PCDHA13: variants seen among roughly 807,000 people sequenced by gnomAD.
PCDHA13 encodes the protein protocadherin alpha 13, also known as protocadherin alpha-13.
PCDHA13 carries 54 observed loss-of-function variants against 64.8 expected under a neutral mutation model. The observed-to-expected ratio is 0.83, with a 90% CI of 0.67 to 1.04. PCDHA13 has a LOEUF of 1.04. Among genes scored for constraint, PCDHA13 ranks in the 50% least tolerant of loss-of-function variants. PCDHA13 has a pLI of 0.00. For synonymous variants in PCDHA13, 587 were observed against 564.4 expected (o/e 1.04, Z -0.57); for missense variants, 1,248 against 1,254.3 (o/e 0.99, Z 0.08).
chr5:140,941,185 C>CTTTTT (rs782102770), intron 1 of PCDHA13, among the ~76,000 whole-genome samples: 1 of 102,242 alleles, frequency 9.8e-6, no homozygotes, highest in African/African-American at 3.6e-5. Context: ...CATCCTGCTT[C>CTTTTT]TTTTTTTTTC....
chr5:140,904,335 C>T (rs142753502), intron 1 of PCDHA13, among the ~76,000 whole-genome samples: 2,168 of 152,034 alleles, frequency 0.014, 62 homozygotes, highest in African/African-American at 0.05. Flanking sequence ...TCTCCAGTTC[C>T]ATCCAGGTTG....
chr5:140,946,335 G>A lies in PCDHA13; in HGVS notation c.2395-32614G>A, dbSNP rs555314202. ...ATTATTGAAAGAGGAAAGATAACAA[G>A]TGATGGAGAGGATGTGGAGAAAAGG... On this transcript the variant is annotated intron_variant, in intron 1 of 3. Transcript: ENST00000289272. Among the ~76,000 whole-genome samples, 250 of 151,944 alleles carry A rather than the reference G, an allele frequency of 1.6e-3. 2 individuals are homozygous for A. The highest frequency in any genetic ancestry group is 2.8e-3 in the Non-Finnish European group (188 of 67,814).
chr5:140,944,191 G>C (rs181232402), intron 1 of PCDHA13, among the ~76,000 whole-genome samples: 1 of 151,980 alleles, frequency 6.6e-6, no homozygotes, highest in East Asian at 1.9e-4. Context: ...GGTTTGTTTT[G>C]TTTTGTTTTG....
At chr5:140,967,475 C>T (rs555659207) in intron 1 of PCDHA13, 1 of 1,613,342 alleles carries the variant, frequency 6.2e-7, no homozygotes, top group South Asian at 1.1e-5. Context: ...CATCCCAGCC[C>T]GCTCGGGTAC....
At chr5:140,943,376 C>G (rs2093486935) in intron 1 of PCDHA13, among the ~76,000 whole-genome samples, 1 of 150,084 alleles carries the variant, frequency 6.7e-6, no homozygotes, top group Non-Finnish European at 1.5e-5. Flanking sequence ...TTAAAATATA[C>G]AGGTAAGAAA....
rs185567567 is a variant in PCDHA13, at chr5:140,888,396, T to C, written c.2394+3734T>C. 3.4e-3 allele frequency among the ~76,000 whole-genome samples: 514 copies of C among 152,282 alleles called. 3 individuals are homozygous for C. The highest frequency in any genetic ancestry group is 0.014 in the Middle Eastern group (4 of 294). On this transcript the variant is annotated intron_variant, in intron 1 of 3. Coordinates refer to ENST00000289272, the MANE Select transcript of PCDHA13 (RefSeq NM_018904.3). The stretch of plus-strand genomic sequence containing the variant: ...AGCTCTGAGATGCTGCTAAACACCA[T>C]CCAATTGCTGCCAAACATCCTACCG...
chr5:141,003,648 G>A lies in PCDHA13; in HGVS notation c.2543-5979G>A, dbSNP rs1314983871. On this transcript the variant is annotated intron_variant, in intron 3 of 3. Transcript: ENST00000289272. ...GTTTTTAAAGTAGAAGTGAAGATCTGTATGCATTTATTAAAATATATGTTG... is the reference window on the plus strand; with the variant it reads ...GTTTTTAAAGTAGAAGTGAAGATCTATATGCATTTATTAAAATATATGTTG... Among the ~76,000 whole-genome samples the A allele has an allele frequency of 3.3e-5, 5 of 152,226 alleles. No individual in the cohort carries two copies. In the South Asian group the frequency reaches 6.2e-4, roughly 19 times the overall value.
intron 1 of PCDHA13, among the ~76,000 whole-genome samples, chr5:140,960,487 GGTTT>G: frequency 6.6e-6 from 1 of 152,236 alleles, no homozygotes; most frequent in South Asian, 2.1e-4. Context: ...CAGAGGTGTA[GGTTT>G]GTTTGTTCCA....
chr5:140,898,913 G>T (rs1554188302), intron 1 of PCDHA13, among the ~76,000 whole-genome samples: 1 of 152,066 alleles, frequency 6.6e-6, no homozygotes, highest in Non-Finnish European at 1.5e-5. Context: ...CACGTCCCTT[G>T]TAAGTTGGAT....
intron 1 of PCDHA13, among the ~76,000 whole-genome samples, chr5:140,917,805 T>C (rs2153545461): frequency 6.6e-6 from 1 of 152,328 alleles, no homozygotes; most frequent in African/African-American, 2.4e-5. Flanking sequence ...AGCCTTGCAG[T>C]ATAGTTGAAG....
chr5:140,982,506 C>G lies in PCDHA13; in HGVS notation c.2485C>G (p.Arg829Gly). The change falls in exon 3 of 4, where the codon CGG (arginine) becomes GGG (glycine). Residue 829 changes from arginine to glycine, a missense_variant. Transcript: ENST00000289272. ...SVHLEEAGIL[R>G]AGPGGPDQQW... Reference sequence around the variant, plus strand: ...GCACCTAGAGGAGGCTGGCATTCTACGGGCTGGTCCAGGAGGGCCTGATCA... The same window carrying G: ...GCACCTAGAGGAGGCTGGCATTCTAGGGGCTGGTCCAGGAGGGCCTGATCA... 6.2e-7 allele frequency: 1 copy of G among 1,614,162 alleles called. No homozygotes were observed. Among genetic ancestry groups the G allele is most frequent in the Non-Finnish European group, 8.5e-7 (1 of 1,180,032 alleles).
chr5:140,970,927 G>A (rs1481513155), intron 1 of PCDHA13, among the ~76,000 whole-genome samples: 2 of 152,150 alleles, frequency 1.3e-5, no homozygotes, highest in African/African-American at 4.8e-5. Flanking sequence ...GAAGTGCCTG[G>A]TGTTAGTCAA....
chr5:140,979,329 C>T (rs782808442), intron 2 of PCDHA13, among the ~76,000 whole-genome samples: 3 of 152,162 alleles, frequency 2.0e-5, no homozygotes, highest in Non-Finnish European at 2.9e-5. Flanking sequence ...TTCTTTTCCT[C>T]CTTTAAAAAC....
intron 1 of PCDHA13, among the ~76,000 whole-genome samples, chr5:140,961,335 A>G (rs548773476): frequency 1.6e-4 from 24 of 152,322 alleles, no homozygotes; most frequent in African/African-American, 5.8e-4. Context: ...TGAGAGACCA[A>G]GAGTGGATCC....
At chr5:140,958,241 AT>A (rs2095415572) in intron 1 of PCDHA13, among the ~76,000 whole-genome samples, 1 of 152,118 alleles carries the variant, frequency 6.6e-6, no homozygotes, top group Non-Finnish European at 1.5e-5. Flanking sequence ...GTTTTTAACA[AT>A]TCTGAACAAA....
chr5:141,011,626 C>T lies in PCDHA13; in HGVS notation c.*1689C>T, dbSNP rs1340546254. 6.5e-6 allele frequency: 1 copy of T among 153,668 alleles called. No individual in the cohort carries two copies. Among genetic ancestry groups the T allele is most frequent in the Non-Finnish European group, 1.5e-5 (1 of 68,026 alleles). The allele number at this position is 153,668 out of a possible 1,614,324, so 9.5% of individuals were successfully genotyped here. On this transcript the variant is annotated 3_prime_UTR_variant, in exon 4 of 4. Transcript: ENST00000289272. Reference sequence around the variant, plus strand: ...ATTTTATTTATGGTCCAGCCAAGAGCCATCTCGTGCCAAGACTTCTGCTGG... The same window carrying T: ...ATTTTATTTATGGTCCAGCCAAGAGTCATCTCGTGCCAAGACTTCTGCTGG...
At chr5:140,885,685 A>G (rs2060694021) in intron 1 of PCDHA13, among the ~76,000 whole-genome samples, 1 of 152,198 alleles carries the variant, frequency 6.6e-6, no homozygotes, top group African/African-American at 2.4e-5. Flanking sequence ...TATCTCAAGA[A>G]GCAATAGTGG....
chr5:140,941,214 C>CCTTCCTTTCTTTCTTT (rs1554214040), intron 1 of PCDHA13, among the ~76,000 whole-genome samples: 12 of 122,414 alleles, frequency 9.8e-5, no homozygotes, highest in Admixed American at 6.8e-4. Flanking sequence ...TTTCTTTCTT[C>CCTTCCTTTCTTTCTTT]CTTTCTTTCT....
At chr5:140,964,509 C>T (rs552530683) in intron 1 of PCDHA13, among the ~76,000 whole-genome samples, 1 of 152,258 alleles carries the variant, frequency 6.6e-6, no homozygotes, top group Non-Finnish European at 1.5e-5. Flanking sequence ...GGTCAATACC[C>T]AGTGGCCAGG....
Sources: gnomAD v4.1 joint callset for allele counts (sites outside exome capture counted in the v4.1 genomes callset) on GRCh38, gnomAD v4.1.1 for gene constraint, MANE v1.5 for transcripts, NCBI Gene and HGNC (gene_info 2026-07-23, HGNC 2026-07-21) for gene names.